The following PTX4 variants were observed in gnomAD, a reference collection of about 807,000 sequenced individuals.
PTX4 encodes pentraxin-4.
In PTX4, 23 loss-of-function variants were observed where a neutral mutation model predicts 19.1. That is an observed-to-expected ratio of 1.20 (90% CI 0.87 to 1.70). The LOEUF (loss-of-function observed/expected upper bound fraction) is 1.70. Among genes scored for constraint, PTX4 ranks in the 40% most tolerant of loss-of-function variants. The probability of loss-of-function intolerance (pLI) is 0.00; values close to 1 mark genes in which losing one functional copy is unlikely to be tolerated. For synonymous variants in PTX4, 317 were observed against 279.6 expected (o/e 1.13, Z -1.33); for missense variants, 678 against 610.5 (o/e 1.11, Z -1.17).
chr16:1,486,179 C>G lies in PTX4; in HGVS notation c.1197G>C (p.Gly399=). The G allele has an allele frequency of 6.2e-7, 1 of 1,613,980 alleles. No individual in the cohort carries two copies. The highest frequency in any genetic ancestry group is 8.5e-7 in the Non-Finnish European group (1 of 1,179,958). Residue 399 remains glycine (G), a synonymous_variant, in exon 3 of 3, where the codon GGG becomes GGC. Coordinates refer to ENST00000447419, the MANE Select transcript of PTX4 (RefSeq NM_001328608.2). Reference sequence around the variant, plus strand: ...CTTGTTCCTGGCCCAGCACGAGGGACCCTCCGGGGGGGATCTCATAGCCCT... The same window carrying G: ...CTTGTTCCTGGCCCAGCACGAGGGAGCCTCCGGGGGGGATCTCATAGCCCT... ...FREGYEIPPG[G]SLVLGQEQDS... is the part of the protein sequence containing the mutation.
intron 1 of PTX4, chr16:1,488,215 C>CT: frequency 7.2e-7 from 1 of 1,396,268 alleles, no homozygotes; most frequent in Non-Finnish European, 9.8e-7. Flanking sequence ...AGCTGGGGCT[C>CT]TGATCCCCAC....
Position 1,487,443 on chromosome 16 carries a change from TG to T in PTX4, c.668del (p.Pro223HisfsTer119), listed in dbSNP as rs754145535. Reference sequence around the variant, plus strand: ...CTTGGAGAGGGGCCGAGGAGTCCTGTGGGGGGCCCCTGTGCTCAGAGGCAGC... The same window carrying T: ...CTTGGAGAGGGGCCGAGGAGTCCTGTGGGGGCCCCTGTGCTCAGAGGCAGC... Reference protein sequence around the residue: ...LRAASEHRGPPQDSSAPLQGR... With the variant: ...LRAASEHRGPXQDSSAPLQGR... On this transcript the variant is annotated frameshift_variant, in exon 2 of 3. Coordinates refer to ENST00000447419, the MANE Select transcript of PTX4 (RefSeq NM_001328608.2). LOFTEE classifies it high-confidence loss of function. 7 of 1,516,030 alleles carry T rather than the reference TG, an allele frequency of 4.6e-6. No homozygotes were observed. The highest frequency in any genetic ancestry group is 2.7e-5 in the South Asian group (2 of 75,232). The allele number at this position is 1,516,030 out of a possible 1,614,324, so 93.9% of individuals were successfully genotyped here. A position where few individuals can be genotyped will look rare whatever the true frequency, so the allele number is the denominator to read the frequency against.
At position 1,486,104 on chromosome 16, in the gene PTX4, C is replaced by A; in HGVS notation, c.1272G>T (p.Met424Ile). Residue 424 changes from methionine to isoleucine, a missense_variant, in exon 3 of 3, where the codon ATG becomes ATT. By Grantham distance (10) the Met-to-Ile change is conservative. Transcript: ENST00000447419. ...FDSSEAFVGS[M>I]SGLAIWDRAL... ...CCCGATCCCAGATAGCCAAGCCAGA[C>A]ATGCTCCCCACGAAGGCCTCGGAGC... The A allele has an allele frequency of 6.2e-7, 1 of 1,614,222 alleles. No homozygotes were observed. Among genetic ancestry groups the A allele is most frequent in the Non-Finnish European group, 8.5e-7 (1 of 1,180,038 alleles).
chr16:1,488,481 C>T (rs758919885), intron 1 of PTX4: 2 of 1,608,914 alleles, frequency 1.2e-6, no homozygotes, highest in East Asian at 2.2e-5. Flanking sequence ...ACTACCCGGC[C>T]CCCATGGCCC....
rs141572401 is a variant in PTX4, at chr16:1,487,750, C to T, written c.362G>A (p.Arg121Gln). ...CAGGGTGAGGTCCAAGGCCCGCAGCCGCGTGTCTACTTTCCGGCCTCGGCG... is the reference window on the plus strand; with the variant it reads ...CAGGGTGAGGTCCAAGGCCCGCAGCTGCGTGTCTACTTTCCGGCCTCGGCG... Reference protein sequence around the residue: ...LQRRGRKVDTRLRALDLTLGE... With the variant: ...LQRRGRKVDTQLRALDLTLGE... The change falls in exon 2 of 3, where the codon CGG (arginine) becomes CAG (glutamine). Residue 121 changes from arginine (R) to glutamine (Q), a missense_variant. By Grantham distance (43) the Arg-to-Gln change is conservative. Transcript: ENST00000447419. 2.2e-4 allele frequency: 352 copies of T among 1,612,864 alleles called. No homozygotes were observed. In the African/African-American group the frequency reaches 2.2e-3, roughly 10 times the overall value.
chr16:1,488,071 C>G (rs943197279), intron 1 of PTX4, 101 bp from the exon 2 acceptor site: 114 of 1,261,418 alleles, frequency 9.0e-5, no homozygotes, highest in Admixed American at 1.1e-4. Flanking sequence ...CGGCCGCGTG[C>G]CCGGGCCACG....
At chr16:1,488,234 C>T in intron 1 of PTX4, 1 of 1,500,272 alleles carries the variant, frequency 6.7e-7, no homozygotes, top group Non-Finnish European at 9.1e-7. Context: ...ACCGCTCACC[C>T]CATAACCACC....
Position 1,487,532 on chromosome 16 carries a change from T to G in PTX4, c.580A>C (p.Thr194Pro), listed in dbSNP as rs767847539. 7.9e-6 allele frequency: 12 copies of G among 1,515,968 alleles called. No homozygotes were observed. Among genetic ancestry groups the G allele is most frequent in the South Asian group, 1.3e-5 (1 of 75,752 alleles). The allele number at this position is 1,515,968 out of a possible 1,614,324, so 93.9% of individuals were successfully genotyped here. A position where few individuals can be genotyped will look rare whatever the true frequency, so the allele number is the denominator to read the frequency against. Residue 194 changes from threonine (T) to proline (P), a missense_variant, in exon 2 of 3, where the codon ACC (threonine) becomes CCC (proline). Thr to Pro is a conservative substitution (Grantham distance 38, BLOSUM62 -1). Transcript: ENST00000447419. Reference sequence around the variant, plus strand: ...GTCGGGCCCAGCTCCTCAGGCTGGGTTGGGGTTGGGACCAGGGCCGGCCCG... The same window carrying G: ...GTCGGGCCCAGCTCCTCAGGCTGGGGTGGGGTTGGGACCAGGGCCGGCCCG... ...ALGPALVPTPTQPEELGPTSL... is the reference protein window; with the variant it reads ...ALGPALVPTPPQPEELGPTSL...
chr16:1,487,531 G>C lies in PTX4; in HGVS notation c.581C>G (p.Thr194Ser). Residue 194 changes from threonine to serine, a missense_variant, in exon 2 of 3, where the codon ACC (threonine) becomes AGC (serine). Transcript: ENST00000447419. Reference sequence around the variant, plus strand: ...GGTCGGGCCCAGCTCCTCAGGCTGGGTTGGGGTTGGGACCAGGGCCGGCCC... The same window carrying C: ...GGTCGGGCCCAGCTCCTCAGGCTGGCTTGGGGTTGGGACCAGGGCCGGCCC... ...ALGPALVPTP[T>S]QPEELGPTSL... The C allele has an allele frequency of 6.6e-7, 1 of 1,517,062 alleles. No individual in the cohort carries two copies. Among genetic ancestry groups the C allele is most frequent in the South Asian group, 1.3e-5 (1 of 75,868 alleles). 94.0% of individuals were successfully genotyped at this position (1,517,062 alleles called of 1,614,324 possible). A position where few individuals can be genotyped will look rare whatever the true frequency, so the allele number is the denominator to read the frequency against.
chr16:1,487,462 G>A lies in PTX4; in HGVS notation c.650C>T (p.Ser217Phe), dbSNP rs750036088. The change falls in exon 2 of 3, where the codon TCT (serine) becomes TTT (phenylalanine). Residue 217 changes from serine (S) to phenylalanine (F), a missense_variant. By Grantham distance (155) the Ser-to-Phe change is radical. Transcript: ENST00000447419. ...GTCCTGTGGGGGGCCCCTGTGCTCA[G>A]AGGCAGCTCGGAGCTCCTGCCTGTC... ...QRDRQELRAA[S>F]EHRGPPQDSS... is the part of the protein sequence containing the mutation. The A allele has an allele frequency of 2.6e-6, 4 of 1,509,864 alleles. No individual in the cohort carries two copies. Among genetic ancestry groups the A allele is most frequent in the African/African-American group, 2.8e-5 (2 of 70,788 alleles). 93.5% of individuals were successfully genotyped at this position (1,509,864 alleles called of 1,614,324 possible).
chr16:1,488,600 C>T, intron 1 of PTX4, 169 bp downstream of exon 1: 1 of 753,474 alleles, frequency 1.3e-6, no homozygotes, highest in Non-Finnish European at 2.2e-6. Context: ...CTCAGCTCTT[C>T]CCTGGTGTCC....
At chr16:1,488,035 G>T in intron 1 of PTX4, 65 bp from the exon 2 acceptor site, 1 of 1,477,110 alleles carries the variant, frequency 6.8e-7, no homozygotes, top group Non-Finnish European at 9.1e-7. Context: ...GACGGGAAAG[G>T]CTTTGCCCTC....
At chr16:1,486,876 A>G (rs1423395554) in intron 2 of PTX4, among the ~76,000 whole-genome samples, 2 of 152,148 alleles carry the variant, frequency 1.3e-5, no homozygotes, top group East Asian at 3.9e-4. Context: ...CCTCACTGCC[A>G]GGGAGTCTCT....
chr16:1,487,739 A>G lies in PTX4; in HGVS notation c.373T>C (p.Leu125=). ...GRKVDTRLRA[L]DLTLGERSQQ... is the part of the protein sequence containing the mutation. ...CTCCTCTCGCCCAGGGTGAGGTCCA[A>G]GGCCCGCAGCCGCGTGTCTACTTTC... The change falls in exon 2 of 3, where the codon TTG becomes CTG. Residue 125 remains leucine, a synonymous_variant. Coordinates refer to ENST00000447419, the MANE Select transcript of PTX4 (RefSeq NM_001328608.2). 2 of 1,612,518 alleles carry G rather than the reference A, an allele frequency of 1.2e-6. No individual in the cohort carries two copies. Among genetic ancestry groups the G allele is most frequent in the Non-Finnish European group, 1.7e-6 (2 of 1,179,664 alleles).
At chr16:1,486,642 C>T in intron 2 of PTX4, 63 bp from the exon 3 acceptor site, 2 of 1,483,200 alleles carry the variant, frequency 1.3e-6, no homozygotes, top group South Asian at 1.4e-5. Context: ...TCCAGAAGCA[C>T]ACGTGCTGTG....
chr16:1,486,379 G>C lies in PTX4; in HGVS notation c.997C>G (p.Leu333Val). The C allele has an allele frequency of 1.9e-6, 3 of 1,613,814 alleles. No homozygotes were observed. Among genetic ancestry groups the C allele is most frequent in the Non-Finnish European group, 2.5e-6 (3 of 1,179,952 alleles). ...NKLVLHGRDS[L>V]LPGSIHFVIG... ...ACGAAGTGGATGGATCCGGGCAGCA[G>C]GGAGTCTCGGCCGTGCAGCACCAGC... is the stretch of plus-strand genomic sequence containing the variant. The change falls in exon 3 of 3, where the codon CTG (leucine) becomes GTG (valine). Residue 333 changes from leucine (L) to valine (V), a missense_variant. Leu to Val is a conservative substitution (Grantham distance 32). Coordinates refer to ENST00000447419, the MANE Select transcript of PTX4 (RefSeq NM_001328608.2).
chr16:1,487,724 C>T lies in PTX4; in HGVS notation c.388G>A (p.Gly130Ser). ...TRLRALDLTL[G>S]ERSQQRARER... ...CGGGCCCGCTGCTGGCTCCTCTCGC[C>T]CAGGGTGAGGTCCAAGGCCCGCAGC... is the stretch of plus-strand genomic sequence containing the variant. Residue 130 changes from glycine (G) to serine (S), a missense_variant, in exon 2 of 3, where the codon GGC (glycine) becomes AGC (serine). Coordinates refer to ENST00000447419, the MANE Select transcript of PTX4 (RefSeq NM_001328608.2). 1 of 1,612,368 alleles carries T rather than the reference C, an allele frequency of 6.2e-7. No homozygotes were observed. Among genetic ancestry groups the T allele is most frequent in the African/African-American group, 1.3e-5 (1 of 75,048 alleles).
rs749395429 is a variant in PTX4, at chr16:1,486,361, G to C, written c.1015C>G (p.His339Asp). ...GRDSLLPGSI[H>D]FVIGDPAFRE... The stretch of plus-strand genomic sequence containing the variant: ...AAGGCCGGGTCCCCGATCACGAAGT[G>C]GATGGATCCGGGCAGCAGGGAGTCT... Residue 339 changes from histidine (H) to aspartate (D), a missense_variant, in exon 3 of 3, where the codon CAC becomes GAC. His to Asp is a moderately conservative substitution (Grantham distance 81). Transcript: ENST00000447419. The C allele has an allele frequency of 2.5e-6, 4 of 1,613,962 alleles. No homozygotes were observed. In the East Asian group the frequency reaches 8.9e-5, roughly 36 times the overall value.
intron 1 of PTX4, chr16:1,488,379 T>G: frequency 6.2e-7 from 1 of 1,613,928 alleles, no homozygotes; most frequent in South Asian, 1.1e-5. Flanking sequence ...ACTCCGGAAC[T>G]GTCCGTGGAC....
Sources: gnomAD v4.1 joint callset for allele counts (sites outside exome capture counted in the v4.1 genomes callset) on GRCh38, gnomAD v4.1.1 for gene constraint, MANE v1.5 for transcripts, NCBI Gene and HGNC (gene_info 2026-07-23, HGNC 2026-07-21) for gene names.